Variants in PDE1C observed in about 807,000 individuals in gnomAD.
PDE1C encodes dual specificity calcium/calmodulin-dependent 3',5'-cyclic nucleotide phosphodiesterase 1C.
In PDE1C, 62 loss-of-function variants were observed where a neutral mutation model predicts 93.1. The ratio of observed to expected loss-of-function variants is 0.67; its 90% confidence interval spans 0.54 to 0.82. The LOEUF (loss-of-function observed/expected upper bound fraction) is 0.82. Among genes scored for constraint, PDE1C ranks in the 40% least tolerant of loss-of-function variants. The pLI, the probability that PDE1C is intolerant of heterozygous loss-of-function variation, is 0.00. For missense variants in PDE1C, 742 were observed against 884.6 expected (o/e 0.84, Z 2.04); for synonymous variants, 325 against 310.1 (o/e 1.05, Z -0.50).
intron 16 of PDE1C, among the ~76,000 whole-genome samples, chr7:31,803,141 G>A (rs1463612583): frequency 6.6e-6 from 1 of 151,320 alleles, no homozygotes; most frequent in Non-Finnish European, 1.5e-5. Context: ...TTTCCTCTCC[G>A]AAGTCTAATT....
chr7:31,786,150 G>T (rs1449926382), intron 16 of PDE1C: 1 of 152,162 alleles, frequency 6.6e-6, no homozygotes, highest in African/African-American at 2.4e-5. Flanking sequence ...GAATCTATTT[G>T]CTGTAGGAGA....
At chr7:31,918,348 G>T (rs558623499) in intron 2 of PDE1C, among the ~76,000 whole-genome samples, 1 of 152,156 alleles carries the variant, frequency 6.6e-6, no homozygotes, top group Non-Finnish European at 1.5e-5. Flanking sequence ...GCTAACTGAG[G>T]CAAAATAGTA....
intron 3 of PDE1C, among the ~76,000 whole-genome samples, chr7:32,156,620 C>T (rs187768194): frequency 6.6e-6 from 1 of 152,214 alleles, no homozygotes; most frequent in East Asian, 1.9e-4. Context: ...AATACAATGG[C>T]TTATAAAACA....
chr7:31,929,041 T>C (rs557199132), intron 2 of PDE1C, among the ~76,000 whole-genome samples: 1 of 151,628 alleles, frequency 6.6e-6, no homozygotes, highest in South Asian at 2.1e-4. Context: ...AGGAGACCCA[T>C]CTCATGTGCA....
chr7:32,086,791 T>A (rs961346548), intron 3 of PDE1C, among the ~76,000 whole-genome samples: 7 of 152,204 alleles, frequency 4.6e-5, no homozygotes, highest in Non-Finnish European at 1.0e-4. Context: ...CTGGGAAAAC[T>A]GGCTAGCCAT....
chr7:31,709,402 T>G, the PDE1C span, among the ~76,000 whole-genome samples: 1 of 152,230 alleles, frequency 6.6e-6, no homozygotes, highest in African/African-American at 2.4e-5. Flanking sequence ...GGCAAAGAGC[T>G]TCGTAAGCTA....
chr7:31,930,428 A>G (rs1417731178), intron 2 of PDE1C, among the ~76,000 whole-genome samples: 1 of 152,244 alleles, frequency 6.6e-6, no homozygotes, highest in African/African-American at 2.4e-5. Context: ...CATCATCCTG[A>G]TACCAAAACC....
chr7:32,140,789 G>C (rs964983975), intron 3 of PDE1C, among the ~76,000 whole-genome samples: 1 of 152,222 alleles, frequency 6.6e-6, no homozygotes, highest in African/African-American at 2.4e-5. Context: ...GCCTCAGCGT[G>C]CCCACTCGAG....
At chr7:31,959,952 G>A (rs1230329385) in intron 2 of PDE1C, among the ~76,000 whole-genome samples, 2 of 151,546 alleles carry the variant, frequency 1.3e-5, no homozygotes, top group Non-Finnish European at 2.9e-5. Context: ...TGCAACCTCT[G>A]CCTCCCGGGT....
At chr7:31,926,947 C>T (rs1803470494) in intron 2 of PDE1C, among the ~76,000 whole-genome samples, 2 of 151,774 alleles carry the variant, frequency 1.3e-5, no homozygotes, top group African/African-American at 4.9e-5. Context: ...GCGCCTAGAA[C>T]ACCAGCAAGA....
At chr7:32,291,146 T>C (rs1372344352) in intron 1 of PDE1C, among the ~76,000 whole-genome samples, 1 of 152,220 alleles carries the variant, frequency 6.6e-6, no homozygotes, top group Non-Finnish European at 1.5e-5. Flanking sequence ...ATGAGCACAT[T>C]GAAATACAGA....
In PDE1C at chr7:31,865,090, A is replaced by G; in HGVS notation, c.610-8T>C. On this transcript the variant is annotated splice_polypyrimidine_tract_variant and splice_region_variant and intron_variant, in intron 6 of 17. Coordinates refer to ENST00000396191, the MANE Select transcript of PDE1C (RefSeq NM_001191057.4). Reference sequence around the variant, plus strand: ...AAGTGCAGAAATGGGGATCTGAAAGAGAGCAGTAAGGTTAATTAACTAGTG... The same window carrying G: ...AAGTGCAGAAATGGGGATCTGAAAGGGAGCAGTAAGGTTAATTAACTAGTG... 6.2e-7 allele frequency: 1 copy of G among 1,614,034 alleles called. No individual in the cohort carries two copies. The highest frequency in any genetic ancestry group is 8.5e-7 in the Non-Finnish European group (1 of 1,179,924).
the PDE1C span, among the ~76,000 whole-genome samples, chr7:31,728,054 A>C: frequency 2.0e-5 from 3 of 152,146 alleles, no homozygotes; most frequent in African/African-American, 7.2e-5. Context: ...AAAATAAATA[A>C]ATAAAAGTTT....
Position 31,990,229 on chromosome 7 carries a change from T to C in PDE1C, c.128+61325A>G, listed in dbSNP as rs139049813. On this transcript the variant is annotated intron_variant, in intron 2 of 17. Transcript: ENST00000396191. ...ATGGGAGGGACCTGGTGGGAGGTAA[T>C]TGAATCATGGGGACGGGTCTTTCCC... Among the ~76,000 whole-genome samples, 25 of 152,310 alleles carry C rather than the reference T, an allele frequency of 1.6e-4. No homozygotes were observed. The East Asian group carries it at 3.9e-3, about 23-fold the overall frequency.
chr7:31,761,541 G>A (rs1794833412), intron 17 of PDE1C, among the ~76,000 whole-genome samples: 1 of 152,086 alleles, frequency 6.6e-6, no homozygotes, highest in African/African-American at 2.4e-5. Context: ...ATATTAACAA[G>A]TATTCCAAAA....
At chr7:31,692,927 T>C in the PDE1C span, among the ~76,000 whole-genome samples, 1 of 152,246 alleles carries the variant, frequency 6.6e-6, no homozygotes, top group African/African-American at 2.4e-5. Context: ...TCTCTTTGCC[T>C]ATCAAGACAG....
intron 9 of PDE1C, among the ~76,000 whole-genome samples, chr7:31,841,227 C>CTCTCTCTCTATA (rs751320538): frequency 0.062 from 8,785 of 142,114 alleles, 317 homozygotes; most frequent in Middle Eastern, 0.094. Context: ...CTCTCTCTCT[C>CTCTCTCTCTATA]TATATATATA....
chr7:32,092,623 G>A (rs1001627055), intron 3 of PDE1C, among the ~76,000 whole-genome samples: 2 of 152,184 alleles, frequency 1.3e-5, no homozygotes, highest in African/African-American at 4.8e-5. Flanking sequence ...TGCTCAGCCA[G>A]GAAGATAGTC....
Position 31,753,446 on chromosome 7 carries a change from G to T in PDE1C, c.2068C>A (p.Leu690Met), listed in dbSNP as rs890407863. The stretch of plus-strand genomic sequence containing the variant: ...TTTTTCATTTTGATCCTCTGATCCA[G>T]CATCTTGTACCTTGCAGGATGCTCA... ...TDEHPARYKM[L>M]DQRIKMKKIQ... is the part of the protein sequence containing the mutation. Residue 690 changes from leucine to methionine, a missense_variant, in exon 18 of 18, where the codon CTG becomes ATG. Transcript: ENST00000396191. 17 of 1,612,288 alleles carry T rather than the reference G, an allele frequency of 1.1e-5. No individual in the cohort carries two copies. The highest frequency in any genetic ancestry group is 1.4e-5 in the Non-Finnish European group (17 of 1,179,650).
Sources: gnomAD v4.1 joint callset for allele counts (sites outside exome capture counted in the v4.1 genomes callset) on GRCh38, gnomAD v4.1.1 for gene constraint, MANE v1.5 for transcripts, NCBI Gene and HGNC (gene_info 2026-07-23, HGNC 2026-07-21) for gene names.